Variants in PLCH1 observed in about 807,000 individuals in gnomAD.
PLCH1 encodes phospholipase C eta 1.
Under a neutral mutation model 126.7 loss-of-function variants are expected in PLCH1, and 60 were observed. The ratio of observed to expected loss-of-function variants is 0.47; its 90% CI spans 0.38 to 0.59. The LOEUF is 0.59. Ranked by LOEUF, PLCH1 falls within the 20% of genes least tolerant of loss-of-function variation. PLCH1 has a pLI of 0.00. For missense variants in PLCH1, 1,723 were observed against 2,040.0 expected, an observed-to-expected ratio of 0.84 and a Z score of 2.99; for synonymous variants, 719 against 734.9, an observed-to-expected ratio of 0.98 and a Z score of 0.35.
chr3:155,632,838 T>C (rs777841993), intron 2 of PLCH1, among the ~76,000 whole-genome samples: 16 of 152,192 alleles, frequency 1.1e-4, no homozygotes, highest in Non-Finnish European at 2.2e-4. Flanking sequence ...GAATTTCTGA[T>C]ATTAATAAAA....
chr3:155,737,851 A>T (rs772418145), intron 1 of PLCH1, among the ~76,000 whole-genome samples: 1 of 152,122 alleles, frequency 6.6e-6, no homozygotes, highest in African/African-American at 2.4e-5. Flanking sequence ...CTCCATGCAG[A>T]TCTAAGGTCC....
At chr3:155,647,695 T>C (rs1213466371) in intron 2 of PLCH1, among the ~76,000 whole-genome samples, 2 of 152,154 alleles carry the variant, frequency 1.3e-5, no homozygotes, top group East Asian at 3.9e-4. Flanking sequence ...CAAGACTTTT[T>C]CAAAAGTCTT....
At chr3:155,544,443 C>T (rs1724887822) in intron 10 of PLCH1, among the ~76,000 whole-genome samples, 1 of 152,190 alleles carries the variant, frequency 6.6e-6, no homozygotes, top group Non-Finnish European at 1.5e-5. Context: ...CATTGGGAGA[C>T]TTTAACACCC....
At chr3:155,633,893 A>C (rs1217907121) in intron 2 of PLCH1, among the ~76,000 whole-genome samples, 1 of 152,202 alleles carries the variant, frequency 6.6e-6, no homozygotes, top group Non-Finnish European at 1.5e-5. Context: ...CTCCCTCAGC[A>C]ACAGAGCGAG....
chr3:155,723,334 T>C (rs1188048088), intron 1 of PLCH1, among the ~76,000 whole-genome samples: 2 of 152,212 alleles, frequency 1.3e-5, no homozygotes, highest in Non-Finnish European at 2.9e-5. Flanking sequence ...TCACTATTGG[T>C]CTATCAATTT....
At chr3:155,606,740 G>A (rs1734417646) in intron 2 of PLCH1, among the ~76,000 whole-genome samples, 1 of 152,172 alleles carries the variant, frequency 6.6e-6, no homozygotes, top group African/African-American at 2.4e-5. Context: ...GATTGCCATT[G>A]GGTTGCCCAC....
At chr3:155,526,394 TTCTC>T (rs1189715318) in intron 10 of PLCH1, among the ~76,000 whole-genome samples, 2 of 94,874 alleles carry the variant, frequency 2.1e-5, no homozygotes, top group East Asian at 4.3e-4. Flanking sequence ...TCTCTCTTCT[TTCTC>T]TCTCTCTCTT....
chr3:155,730,366 C>T (rs1748681406), intron 1 of PLCH1, among the ~76,000 whole-genome samples: 2 of 152,044 alleles, frequency 1.3e-5, no homozygotes, highest in South Asian at 4.1e-4. Flanking sequence ...ACTACAACCT[C>T]CGCCTCCTGG....
chr3:155,564,333 G>A (rs1309213992), intron 8 of PLCH1, among the ~76,000 whole-genome samples: 4 of 152,196 alleles, frequency 2.6e-5, no homozygotes, highest in South Asian at 2.1e-4. Flanking sequence ...GGGAGGCTGA[G>A]GTGGGTGGAT....
chr3:155,698,568 G>A (rs1746004060), intron 2 of PLCH1, among the ~76,000 whole-genome samples: 2 of 152,224 alleles, frequency 1.3e-5, no homozygotes, highest in African/African-American at 4.8e-5. Flanking sequence ...TAAAAGTAGG[G>A]TGAGTAGGGG....
At chr3:155,545,810 C>G (rs529571094) in intron 10 of PLCH1, among the ~76,000 whole-genome samples, 1 of 152,198 alleles carries the variant, frequency 6.6e-6, no homozygotes, top group African/African-American at 2.4e-5. Flanking sequence ...TCAATAGATG[C>G]AGAAAAGGCC....
intron 9 of PLCH1, among the ~76,000 whole-genome samples, chr3:155,552,716 GC>G: frequency 6.6e-6 from 1 of 152,178 alleles, no homozygotes; most frequent in East Asian, 1.9e-4. Context: ...ATGAAGACAT[GC>G]CTGTGTATTG....
At chr3:155,623,898 T>C (rs949802242) in intron 2 of PLCH1, among the ~76,000 whole-genome samples, 3 of 152,184 alleles carry the variant, frequency 2.0e-5, no homozygotes, top group African/African-American at 7.2e-5. Context: ...TAACTCATTT[T>C]ACGAGGCCAG....
chr3:155,460,941 A>C (rs1712702407), intron 21 of PLCH1, among the ~76,000 whole-genome samples: 1 of 152,202 alleles, frequency 6.6e-6, no homozygotes, highest in African/African-American at 2.4e-5. Flanking sequence ...AGAGTATACC[A>C]GTCTAACCTC....
chr3:155,702,733 T>C (rs1464961174), intron 2 of PLCH1, among the ~76,000 whole-genome samples: 2 of 152,182 alleles, frequency 1.3e-5, no homozygotes, highest in Non-Finnish European at 2.9e-5. Context: ...AAATAAAGCT[T>C]GAAAAAATAA....
chr3:155,741,684 CTTTT>C (rs71624571), intron 1 of PLCH1, among the ~76,000 whole-genome samples: 3 of 102,864 alleles, frequency 2.9e-5, no homozygotes, highest in Admixed American at 1.2e-4. Flanking sequence ...TTTATATCCT[CTTTT>C]TTTTTTTTTT....
intron 10 of PLCH1, among the ~76,000 whole-genome samples, chr3:155,542,053 C>T (rs1054045915): frequency 4.6e-5 from 7 of 152,298 alleles, no homozygotes; most frequent in African/African-American, 1.7e-4. Flanking sequence ...GGGTGCAGTG[C>T]ACCATGCGCG....
chr3:155,483,304 CA>C, intron 22 of PLCH1: 22 of 1,382,116 alleles, frequency 1.6e-5, no homozygotes, highest in Non-Finnish European at 2.1e-5. Context: ...TATTCATTGT[CA>C]AAAAAATGTC....
chr3:155,548,157 A>G (rs1048145510), intron 10 of PLCH1, among the ~76,000 whole-genome samples: 1 of 152,204 alleles, frequency 6.6e-6, no homozygotes, highest in African/African-American at 2.4e-5. Flanking sequence ...AACAGTTGTA[A>G]TAATAAACAA....
Sources: gnomAD v4.1 joint callset for allele counts (sites outside exome capture counted in the v4.1 genomes callset) on GRCh38, gnomAD v4.1.1 for gene constraint, MANE v1.5 for transcripts, NCBI Gene and HGNC (gene_info 2026-07-23, HGNC 2026-07-21) for gene names.